The following FCGR2A variants were observed in gnomAD, a reference collection of about 807,000 sequenced individuals.
The protein encoded by FCGR2A is Fc gamma receptor IIa, also known as low affinity immunoglobulin gamma Fc region receptor II-a.
A neutral mutation model predicts 29.3 loss-of-function variants in FCGR2A; 18 were observed. The ratio of observed to expected loss-of-function variants is 0.62; its 90% CI spans 0.43 to 0.91. The LOEUF is 0.91. Among genes scored for constraint, FCGR2A ranks in the 40% least tolerant of loss-of-function variants. The pLI, the probability that FCGR2A is intolerant of heterozygous loss-of-function variation, is 0.00. For synonymous variants in FCGR2A, 126 were observed against 144.8 expected (o/e 0.87, Z 0.93); for missense variants, 287 against 393.0 (o/e 0.73, Z 2.28).
downstream of FCGR2A, among the ~76,000 whole-genome samples, chr1:161,521,076 G>A (rs1415729930): frequency 3.3e-5 from 5 of 149,476 alleles, no homozygotes; most frequent in African/African-American, 1.2e-4. Context: ...CACCTTATCA[G>A]TGAGGTCTCC....
rs922440855 is a variant in FCGR2A, at chr1:161,519,753, A to G, written c.*1605A>G. The G allele has an allele frequency of 6.6e-6, 1 of 152,078 alleles. No individual in the cohort carries two copies. Among genetic ancestry groups the G allele is most frequent in the African/African-American group, 2.4e-5 (1 of 41,386 alleles). The allele number at this position is 152,078 out of a possible 1,614,324, so 9.4% of individuals were successfully genotyped here. On this transcript the variant is annotated 3_prime_UTR_variant, in exon 7 of 7. Transcript: ENST00000271450. ...TCTTAGAACTGAATACTCTTCTTCT[A>G]ATGAACTTGTATTCTTGTTTCCATG...
downstream of FCGR2A, among the ~76,000 whole-genome samples, chr1:161,522,094 T>G (rs1557841252): frequency 2.0e-5 from 3 of 152,068 alleles, no homozygotes. Context: ...ATCCCAAAGC[T>G]GTGGAAGGTA....
chr1:161,521,451 A>G (rs1676445033), downstream of FCGR2A, among the ~76,000 whole-genome samples: 1 of 151,910 alleles, frequency 6.6e-6, no homozygotes, highest in African/African-American at 2.4e-5. Flanking sequence ...TGGCCCAGAC[A>G]GGTGAAATGA....
intron 3 of FCGR2A, among the ~76,000 whole-genome samples, chr1:161,506,941 T>A (rs892936256): frequency 2.6e-5 from 4 of 152,042 alleles, no homozygotes; most frequent in African/African-American, 9.7e-5. Flanking sequence ...GCAGAGAGGT[T>A]GGGGGAAATA....
rs1267906636 is a variant in FCGR2A, at chr1:161,515,110, C to T, written c.780+1178C>T. The stretch of plus-strand genomic sequence containing the variant: ...GAAAAAATTGTTCATTTAAGGGATG[C>T]ATTGGGAAAAAATGAGATCCCAAAT... On this transcript the variant is annotated intron_variant, in intron 6 of 6. Coordinates refer to ENST00000271450, the MANE Select transcript of FCGR2A (RefSeq NM_001136219.3). Among the ~76,000 whole-genome samples the T allele has an allele frequency of 3.3e-5, 5 of 152,374 alleles. No individual in the cohort carries two copies. The South Asian group carries it at 6.2e-4, about 19-fold the overall frequency.
Position 161,506,400 on chromosome 1 carries a change from T to G in FCGR2A, c.173T>G (p.Val58Gly). 8 of 1,614,214 alleles carry G rather than the reference T, an allele frequency of 5.0e-6. No homozygotes were observed. Among genetic ancestry groups the G allele is most frequent in the Non-Finnish European group, 6.8e-6 (8 of 1,180,028 alleles). The change falls in exon 3 of 7, where the codon GTG becomes GGG. Residue 58 changes from valine (V) to glycine (G), a missense_variant. By Grantham distance (109) the Val-to-Gly change is moderately radical. Transcript: ENST00000271450. ...PWINVLQEDS[V>G]TLTCQGARSP... ...ATCAACGTGCTCCAGGAGGACTCTG[T>G]GACTCTGACATGCCAGGGGGCTCGC...
At chr1:161,505,909 C>T (rs1571955950) in intron 1 of FCGR2A, 78 bp from the exon 2 acceptor site, 2 of 1,435,034 alleles carry the variant, frequency 1.4e-6, no homozygotes, top group Non-Finnish European at 2.0e-6. Context: ...GCTCACCTCC[C>T]CAGCATTTCA....
chr1:161,506,028 C>CTTGAATTGACAGTG, intron 2 of FCGR2A, 21 bp downstream of exon 2: 1 of 1,611,488 alleles, frequency 6.2e-7, no homozygotes. Context: ...CCTTTGCTTC[C>CTTGAATTGACAGTG]TTGTATTGAC....
At chr1:161,523,866 A>C (rs539730900), downstream of FCGR2A, 1 of 151,922 alleles carries the variant, frequency 6.6e-6, no homozygotes, top group Non-Finnish European at 1.5e-5. Context: ...CGGGAATCGA[A>C]CCCGGGCCTC....
downstream of FCGR2A, among the ~76,000 whole-genome samples, chr1:161,521,478 C>G (rs931028048): frequency 3.1e-4 from 43 of 138,348 alleles, 1 homozygote; most frequent in African/African-American, 1.1e-3. Context: ...CAAGGACAAA[C>G]AGGTAGTGGA....
intron 5 of FCGR2A, among the ~76,000 whole-genome samples, chr1:161,511,463 G>A (rs1330978654): frequency 6.6e-6 from 1 of 152,234 alleles, no homozygotes; most frequent in Non-Finnish European, 1.5e-5. Context: ...CAGAGAGAGA[G>A]AGAGGCAGAC....
At chr1:161,520,377 C>G (rs918534265), downstream of FCGR2A, among the ~76,000 whole-genome samples, 1 of 151,922 alleles carries the variant, frequency 6.6e-6, no homozygotes, top group African/African-American at 2.4e-5. Context: ...TTATAAAACC[C>G]TAAGCTCTCG....
At chr1:161,521,697 TA>T (rs1195165826), downstream of FCGR2A, among the ~76,000 whole-genome samples, 1 of 151,962 alleles carries the variant, frequency 6.6e-6, no homozygotes, top group Non-Finnish European at 1.5e-5. Flanking sequence ...CTGATGGTTT[TA>T]AAAAGGGGAG....
At chr1:161,515,660 A>C (rs2102484258) in intron 6 of FCGR2A, among the ~76,000 whole-genome samples, 2 of 152,244 alleles carry the variant, frequency 1.3e-5, no homozygotes, top group Admixed American at 1.3e-4. Context: ...TTTTAGAAAC[A>C]AACTGGCAAA....
rs765896497 is a variant in FCGR2A, at chr1:161,513,870, C to G, written c.743-25C>G. ...GCCCTTTTCAACAGCAGTGCCCTGG[C>G]TAATCTTTTTCTTTTTCCCCACAGC... is the stretch of plus-strand genomic sequence containing the variant. On this transcript the variant is annotated intron_variant, in intron 5 of 6. Transcript: ENST00000271450. 6 of 1,614,134 alleles carry G rather than the reference C, an allele frequency of 3.7e-6. No homozygotes were observed. In the East Asian group the frequency reaches 1.3e-4, roughly 36 times the overall value.
downstream of FCGR2A, among the ~76,000 whole-genome samples, chr1:161,520,274 C>T (rs1441088002): frequency 1.3e-5 from 2 of 152,100 alleles, no homozygotes; most frequent in Non-Finnish European, 2.9e-5. Flanking sequence ...CCTCAGGAAA[C>T]TTACAATCAC....
At chr1:161,508,248 T>C (rs1206870329) in intron 3 of FCGR2A, among the ~76,000 whole-genome samples, 1 of 152,072 alleles carries the variant, frequency 6.6e-6, no homozygotes, top group East Asian at 1.9e-4. Flanking sequence ...TTAGTTTCTG[T>C]TTTATGCCAT....
At chr1:161,517,714 T>C (rs1676230172) in intron 6 of FCGR2A, among the ~76,000 whole-genome samples, 2 of 152,166 alleles carry the variant, frequency 1.3e-5, no homozygotes, top group Admixed American at 6.5e-5. Context: ...TTTTAGTCTG[T>C]TCTGTTTGGG....
chr1:161,510,056 G>A lies in FCGR2A; in HGVS notation c.601G>A (p.Val201Met). 3.1e-6 allele frequency: 5 copies of A among 1,613,952 alleles called. No individual in the cohort carries two copies. The highest frequency in any genetic ancestry group is 4.2e-6 in the Non-Finnish European group (5 of 1,179,868). ...IGYTLFSSKP[V>M]TITVQVPSMG... ...CTACACGCTGTTCTCATCCAAGCCTGTGACCATCACTGTCCAAGGTATGGG... is the reference window on the plus strand; with the variant it reads ...CTACACGCTGTTCTCATCCAAGCCTATGACCATCACTGTCCAAGGTATGGG... The change falls in exon 4 of 7, where the codon GTG becomes ATG. Residue 201 changes from valine to methionine, a missense_variant. Coordinates refer to ENST00000271450, the MANE Select transcript of FCGR2A (RefSeq NM_001136219.3).
Sources: gnomAD v4.1 joint callset for allele counts (sites outside exome capture counted in the v4.1 genomes callset) on GRCh38, gnomAD v4.1.1 for gene constraint, MANE v1.5 for transcripts, NCBI Gene and HGNC (gene_info 2026-07-23, HGNC 2026-07-21) for gene names.